Variants in SLX4IP observed in about 807,000 individuals in gnomAD.
The protein encoded by SLX4IP is protein SLX4IP.
A neutral mutation model predicts 32.9 loss-of-function variants in SLX4IP; 34 were observed. That is an observed-to-expected ratio of 1.03 (90% confidence interval 0.79 to 1.38). SLX4IP has a LOEUF of 1.38. Among genes scored for constraint, SLX4IP ranks in the 40% most tolerant of loss-of-function variants. The probability of loss-of-function intolerance (pLI) is 0.00; values close to 1 mark genes in which losing one functional copy is unlikely to be tolerated. For missense variants in SLX4IP, 444 were observed against 479.0 expected (o/e 0.93, Z 0.68); for synonymous variants, 172 against 171.7 (o/e 1.00, Z -0.01).
intron 2 of SLX4IP, among the ~76,000 whole-genome samples, chr20:10,493,004 A>G (rs190065585): frequency 2.2e-3 from 327 of 151,694 alleles, no homozygotes; most frequent in Non-Finnish European, 3.4e-3. Context: ...GGGTCTTGCT[A>G]TGTTGGCCAG....
intron 2 of SLX4IP, among the ~76,000 whole-genome samples, chr20:10,532,652 G>A (rs1187559784): frequency 6.6e-6 from 1 of 152,040 alleles, no homozygotes; most frequent in Non-Finnish European, 1.5e-5. Flanking sequence ...ATAGGGGTTC[G>A]TATTCTTTTA....
At chr20:10,622,634 A>G (rs1722233517) in intron 7 of SLX4IP, 25 bp from the exon 8 acceptor site, 5 of 1,583,184 alleles carry the variant, frequency 3.2e-6, no homozygotes, top group Non-Finnish European at 4.3e-6. Flanking sequence ...TTTACAAACC[A>G]TAAAATCATT....
chr20:10,531,228 C>T (rs933645349), intron 2 of SLX4IP, among the ~76,000 whole-genome samples: 1 of 152,114 alleles, frequency 6.6e-6, no homozygotes, highest in African/African-American at 2.4e-5. Flanking sequence ...TCCTACCTGC[C>T]GTGACTTGAC....
At chr20:10,518,365 T>C (rs1419817825) in intron 2 of SLX4IP, among the ~76,000 whole-genome samples, 1 of 151,170 alleles carries the variant, frequency 6.6e-6, no homozygotes, top group African/African-American at 2.4e-5. Context: ...CTTTCTTTCT[T>C]TCTCTCTCTC....
At chr20:10,499,953 T>C (rs1160247475) in intron 2 of SLX4IP, among the ~76,000 whole-genome samples, 1 of 152,054 alleles carries the variant, frequency 6.6e-6, no homozygotes, top group African/African-American at 2.4e-5. Flanking sequence ...AAAGAAAAGC[T>C]GTGGTTAAAA....
intron 2 of SLX4IP, among the ~76,000 whole-genome samples, chr20:10,512,613 T>C (rs2065816536): frequency 6.9e-6 from 1 of 144,300 alleles, no homozygotes. Context: ...ATATAAAATA[T>C]ATATAGTATT....
chr20:10,505,960 T>A (rs1181149127), intron 2 of SLX4IP, among the ~76,000 whole-genome samples: 2 of 152,230 alleles, frequency 1.3e-5, no homozygotes. Flanking sequence ...TTCATGGTTA[T>A]GATATTGAAA....
chr20:10,581,997 T>C (rs572612900), intron 4 of SLX4IP, among the ~76,000 whole-genome samples: 3 of 152,168 alleles, frequency 2.0e-5, no homozygotes, highest in Admixed American at 1.3e-4. Flanking sequence ...AGGACAGTGA[T>C]GAAAAGTGAT....
At chr20:10,585,158 T>A (rs1347573174) in intron 4 of SLX4IP, among the ~76,000 whole-genome samples, 2 of 152,094 alleles carry the variant, frequency 1.3e-5, no homozygotes, top group Admixed American at 6.5e-5. Flanking sequence ...CCAGAACAGA[T>A]GTTTGTGTTT....
chr20:10,455,685 C>T (rs2065279240), intron 1 of SLX4IP, among the ~76,000 whole-genome samples: 2 of 151,922 alleles, frequency 1.3e-5, no homozygotes, highest in African/African-American at 4.8e-5. Flanking sequence ...TCTTGCCACA[C>T]TGCAACCTCT....
intron 2 of SLX4IP, among the ~76,000 whole-genome samples, chr20:10,467,566 G>A (rs1046624350): frequency 6.6e-6 from 1 of 152,166 alleles, no homozygotes; most frequent in African/African-American, 2.4e-5. Flanking sequence ...GACATACAGG[G>A]TCAATGCGAG....
chr20:10,531,404 C>T (rs2065988558), intron 2 of SLX4IP, among the ~76,000 whole-genome samples: 1 of 152,160 alleles, frequency 6.6e-6, no homozygotes, highest in Non-Finnish European at 1.5e-5. Context: ...GTCTTTGCCT[C>T]CTTGATCTGA....
At chr20:10,580,592 C>G (rs1185663710) in intron 4 of SLX4IP, among the ~76,000 whole-genome samples, 2 of 149,514 alleles carry the variant, frequency 1.3e-5, no homozygotes, top group African/African-American at 4.9e-5. Context: ...ACTCCTCTGT[C>G]TCTCCCTCTG....
At chr20:10,483,434 T>C (rs914101117) in intron 2 of SLX4IP, among the ~76,000 whole-genome samples, 4 of 152,146 alleles carry the variant, frequency 2.6e-5, no homozygotes, top group Non-Finnish European at 4.4e-5. Context: ...GAAAGGTAAT[T>C]TTGTAATTAG....
chr20:10,468,014 C>A lies in SLX4IP; in HGVS notation c.27+9783C>A, dbSNP rs2065394987. Among the ~76,000 whole-genome samples, 9 of 152,270 alleles carry A rather than the reference C, an allele frequency of 5.9e-5. No homozygotes were observed. The South Asian group carries it at 1.9e-3, about 32-fold the overall frequency. On this transcript the variant is annotated intron_variant, in intron 2 of 7. Coordinates refer to ENST00000334534, the MANE Select transcript of SLX4IP (RefSeq NM_001009608.3). ...AAATACAGCTCTGGCTTCTTATCCTCCTTTTTAGTCTCAACTTTCCACCTG... is the reference window on the plus strand; with the variant it reads ...AAATACAGCTCTGGCTTCTTATCCTACTTTTTAGTCTCAACTTTCCACCTG...
At chr20:10,503,352 C>G (rs1475192120) in intron 2 of SLX4IP, among the ~76,000 whole-genome samples, 1 of 152,130 alleles carries the variant, frequency 6.6e-6, no homozygotes, top group Non-Finnish European at 1.5e-5. Context: ...AGAGGTGTGG[C>G]TGGGTTGGAT....
intron 2 of SLX4IP, among the ~76,000 whole-genome samples, chr20:10,510,113 A>G (rs2122428048): frequency 6.6e-6 from 1 of 152,358 alleles, no homozygotes; most frequent in Non-Finnish European, 1.5e-5. Context: ...ATTAAGTCAA[A>G]CAGGCAGAAT....
chr20:10,598,802 C>T (rs749048411), intron 5 of SLX4IP, 50 bp downstream of exon 5: 140 of 1,562,336 alleles, frequency 9.0e-5, no homozygotes, highest in Non-Finnish European at 1.1e-4. Flanking sequence ...AATCTGCTTG[C>T]CCTAGATAGA....
At chr20:10,524,782 G>A (rs926271603) in intron 2 of SLX4IP, among the ~76,000 whole-genome samples, 16 of 152,126 alleles carry the variant, frequency 1.1e-4, no homozygotes, top group African/African-American at 3.6e-4. Flanking sequence ...GACAGGTCTC[G>A]AAAATGAGGT....
Sources: allele counts gnomAD v4.1 joint callset (sites outside exome capture counted in the v4.1 genomes callset), GRCh38; gene constraint gnomAD v4.1.1; transcripts MANE v1.5; gene names NCBI Gene and HGNC (gene_info 2026-07-23, HGNC 2026-07-21).